Variants in KMT2E observed in about 807,000 individuals in gnomAD.
KMT2E encodes the protein lysine methyltransferase 2E (inactive), also known as histone reader KMT2E.
KMT2E carries 30 observed loss-of-function variants against 184.6 expected under a neutral mutation model. That is an observed-to-expected ratio of 0.16 (90% confidence interval 0.12 to 0.22). The LOEUF is 0.22. KMT2E is among the 10% of genes least tolerant of loss of function. KMT2E has a pLI of 1.00. For missense variants in KMT2E, 2,023 were observed against 2,237.4 expected (o/e 0.90, Z 1.93); for synonymous variants, 815 against 776.5 (o/e 1.05, Z -0.82).
At chr7:105,015,371 T>C (rs529081928) in intron 1 of KMT2E, among the ~76,000 whole-genome samples, 3 of 152,206 alleles carry the variant, frequency 2.0e-5, no homozygotes, top group Non-Finnish European at 4.4e-5. Flanking sequence ...CTTAGTTCCG[T>C]ATAGATCCGT....
chr7:105,106,166 C>G (rs545669853), intron 19 of KMT2E, among the ~76,000 whole-genome samples, 163 bp downstream of exon 19: 1 of 152,114 alleles, frequency 6.6e-6, no homozygotes, highest in Non-Finnish European at 1.5e-5. Flanking sequence ...GCTGAAGATA[C>G]CAGTTCACAA....
chr7:105,033,337 T>C (rs1795501536), intron 1 of KMT2E, among the ~76,000 whole-genome samples: 1 of 152,250 alleles, frequency 6.6e-6, no homozygotes, highest in Admixed American at 6.5e-5. Flanking sequence ...AATTTTGTGA[T>C]AATTATAGAG....
rs760416842 is a variant in KMT2E, at chr7:105,077,341, A to C, written c.1038A>C (p.Ala346=). Reference sequence around the variant, plus strand: ...AGAATAAGAAAATTCTTAAATCTGCAAAAGATTTGCCTCCTGATGCACTTA... The same window carrying C: ...AGAATAAGAAAATTCTTAAATCTGCCAAAGATTTGCCTCCTGATGCACTTA... The part of the protein sequence containing the change: ...IQKNKKILKS[A]KDLPPDALII... Residue 346 remains alanine (A), a synonymous_variant, in exon 11 of 27, where the codon GCA becomes GCC. Coordinates refer to ENST00000311117, the MANE Select transcript of KMT2E (RefSeq NM_182931.3). The C allele has an allele frequency of 6.2e-7, 1 of 1,611,010 alleles. No individual in the cohort carries two copies.
intron 13 of KMT2E, among the ~76,000 whole-genome samples, chr7:105,084,094 C>T (rs776373978): frequency 5.3e-5 from 8 of 152,182 alleles, no homozygotes; most frequent in Non-Finnish European, 1.0e-4. Flanking sequence ...TTTTCACATT[C>T]TGCGGCCCAG....
intron 9 of KMT2E, 83 bp from the exon 10 acceptor site, chr7:105,076,870 TTTTGTGTGTG>T: frequency 3.9e-6 from 3 of 774,538 alleles, no homozygotes; most frequent in East Asian, 2.7e-5. Context: ...TTGCCGTTAA[TTTTGTGTGTG>T]TGTGTGTGTG....
intron 1 of KMT2E, among the ~76,000 whole-genome samples, chr7:105,016,594 A>T (rs1280496202): frequency 1.3e-5 from 2 of 152,226 alleles, no homozygotes; most frequent in African/African-American, 4.8e-5. Context: ...AATTTTTTAA[A>T]GTGTGAAAGA....
intron 15 of KMT2E, among the ~76,000 whole-genome samples, chr7:105,094,109 T>A (rs917126908): frequency 1.3e-5 from 2 of 152,186 alleles, no homozygotes; most frequent in Admixed American, 1.3e-4. Flanking sequence ...AAATCATGCA[T>A]CCTAGGATTC....
intron 1 of KMT2E, among the ~76,000 whole-genome samples, chr7:105,030,076 G>C (rs1795343002): frequency 4.6e-5 from 7 of 152,190 alleles, no homozygotes. Context: ...AATTGTGGAA[G>C]CTATACATTT....
chr7:105,033,769 G>A (rs960044676), intron 1 of KMT2E, among the ~76,000 whole-genome samples: 104 of 152,272 alleles, frequency 6.8e-4, no homozygotes, highest in African/African-American at 2.3e-3. Flanking sequence ...AAAGTGCTGG[G>A]ATTACAGGTG....
chr7:105,023,031 T>G (rs1243252682), intron 1 of KMT2E, among the ~76,000 whole-genome samples: 5 of 152,340 alleles, frequency 3.3e-5, no homozygotes, highest in Non-Finnish European at 7.3e-5. Flanking sequence ...TGATCTAATT[T>G]GAAATCCAGA....
chr7:105,066,857 A>G, intron 6 of KMT2E, 50 bp downstream of exon 6: 1 of 1,220,102 alleles, frequency 8.2e-7, no homozygotes, highest in Non-Finnish European at 1.2e-6. Flanking sequence ...CTGAGGTAAT[A>G]CTAGTTAACA....
At chr7:105,041,673 A>G (rs777151135) in intron 3 of KMT2E, among the ~76,000 whole-genome samples, 2 of 152,226 alleles carry the variant, frequency 1.3e-5, no homozygotes, top group Non-Finnish European at 2.9e-5. Flanking sequence ...TGTTGGGATT[A>G]CAGGCATGAA....
Position 105,063,335 on chromosome 7 carries a change from G to C in KMT2E, c.187-16G>C. On this transcript the variant is annotated splice_polypyrimidine_tract_variant and intron_variant, in intron 4 of 26. Coordinates refer to ENST00000311117, the MANE Select transcript of KMT2E (RefSeq NM_182931.3). The stretch of plus-strand genomic sequence containing the variant: ...AATTAAATAATATTGTGCTATATTT[G>C]TGTTTAATTATTCAGGACCATAATT... The C allele has an allele frequency of 6.6e-7, 1 of 1,514,748 alleles. No homozygotes were observed. The highest frequency in any genetic ancestry group is 9.0e-7 in the Non-Finnish European group (1 of 1,107,004). 93.8% of individuals were successfully genotyped at this position (1,514,748 alleles called of 1,614,324 possible). A position where few individuals can be genotyped will look rare whatever the true frequency, so the allele number is the denominator to read the frequency against.
At chr7:105,082,054 A>G (rs1248349759) in intron 13 of KMT2E, among the ~76,000 whole-genome samples, 1 of 152,184 alleles carries the variant, frequency 6.6e-6, no homozygotes, top group Non-Finnish European at 1.5e-5. Context: ...ATTCAGCCAT[A>G]CAACACTGAC....
rs1406270908 is a variant in KMT2E at position 105,114,397 on chromosome 7, C to T, written c.*1064C>T. 1 of 151,948 alleles carries T rather than the reference C, an allele frequency of 6.6e-6. No individual in the cohort carries two copies. The highest frequency in any genetic ancestry group is 1.5e-5 in the Non-Finnish European group (1 of 67,982). The allele number at this position is 151,948 out of a possible 1,614,324, so 9.4% of individuals were successfully genotyped here. ...ACTGTTTGAAAATATGGGTAGTTTG[C>T]CCAAAACAGGAAAATTTGTCTTGGG... On this transcript the variant is annotated 3_prime_UTR_variant, in exon 27 of 27. Coordinates refer to ENST00000311117, the MANE Select transcript of KMT2E (RefSeq NM_182931.3).
At chr7:105,077,544 C>T (rs933684335) in intron 11 of KMT2E, 111 bp downstream of exon 11, 7 of 802,514 alleles carry the variant, frequency 8.7e-6, no homozygotes, top group Non-Finnish European at 1.4e-5. Flanking sequence ...ATGATCATTT[C>T]AGTATTTAAA....
rs749563622 is a variant in KMT2E at position 105,101,917 on chromosome 7, C to G, written c.1919C>G (p.Pro640Arg). Reference sequence around the variant, plus strand: ...GCAAAAGAAGAAAATGCTAGCAAGCCAACCCCTGCCAAAGTAAATAGAACT... The same window carrying G: ...GCAAAAGAAGAAAATGCTAGCAAGCGAACCCCTGCCAAAGTAAATAGAACT... ...EQAKEENASK[P>R]TPAKVNRTKQ... The change falls in exon 17 of 27, where the codon CCA (proline) becomes CGA (arginine). Residue 640 changes from proline to arginine, a missense_variant. By Grantham distance (103) the Pro-to-Arg change is moderately radical. Transcript: ENST00000311117. The G allele has an allele frequency of 6.2e-7, 1 of 1,610,708 alleles. No individual in the cohort carries two copies.
At chr7:105,040,364 C>T (rs942593586) in intron 2 of KMT2E, among the ~76,000 whole-genome samples, 1 of 151,988 alleles carries the variant, frequency 6.6e-6, no homozygotes, top group African/African-American at 2.4e-5. Flanking sequence ...CGGTATTAGC[C>T]TGTTTTGGTT....
At chr7:105,016,635 T>C (rs1422546490) in intron 1 of KMT2E, among the ~76,000 whole-genome samples, 1 of 152,200 alleles carries the variant, frequency 6.6e-6, no homozygotes, top group East Asian at 1.9e-4. Context: ...GGGAGTTCTT[T>C]TTGGGTTGAA....
Sources: gnomAD v4.1 joint callset for allele counts (sites outside exome capture counted in the v4.1 genomes callset) on GRCh38, gnomAD v4.1.1 for gene constraint, MANE v1.5 for transcripts, NCBI Gene and HGNC (gene_info 2026-07-23, HGNC 2026-07-21) for gene names.